The following AXL variants were observed in gnomAD, a reference collection of about 807,000 sequenced individuals.
The protein encoded by AXL is tyrosine-protein kinase receptor UFO.
In AXL, 52 loss-of-function variants were observed where a neutral mutation model predicts 104.5. The ratio of observed to expected loss-of-function variants is 0.50; its 90% CI spans 0.40 to 0.63. AXL has a LOEUF of 0.63. AXL is among the 20% of genes least tolerant of loss of function. AXL has a pLI of 0.00. For synonymous variants in AXL, 455 were observed against 473.7 expected (o/e 0.96, Z 0.51); for missense variants, 1,024 against 1,188.5 (o/e 0.86, Z 2.04).
At chr19:41,227,917 AGG>A (rs1200377567) in intron 4 of AXL, among the ~76,000 whole-genome samples, 1 of 152,154 alleles carries the variant, frequency 6.6e-6, no homozygotes, top group African/African-American at 2.4e-5. Context: ...TGCTGGACAA[AGG>A]GGGGATTCAC....
At chr19:41,222,948 T>C (rs374537334) in intron 4 of AXL, among the ~76,000 whole-genome samples, 8 of 141,974 alleles carry the variant, frequency 5.6e-5, no homozygotes, top group Non-Finnish European at 1.1e-4. Flanking sequence ...CAGAGAGAGA[T>C]AGAATGACAT....
At position 41,257,774 on chromosome 19, in the gene AXL, T is replaced by A. The variant is rs1301140962; in HGVS notation, c.2333+145T>A. 172 of 1,049,422 alleles carry A rather than the reference T, an allele frequency of 1.6e-4. 1 individual carries two copies. The East Asian group carries it at 4.1e-3, about 25-fold the overall frequency. 65.0% of individuals were successfully genotyped at this position (1,049,422 alleles called of 1,614,324 possible). A position where few individuals can be genotyped will look rare whatever the true frequency, so the allele number is the denominator to read the frequency against. On this transcript the variant is annotated intron_variant, in intron 19 of 19. Coordinates refer to ENST00000301178, the MANE Select transcript of AXL (RefSeq NM_021913.5). ...TGACCCACTTGCCCCTCACCAATGCTCTGAGTAGGGCCATCACTAACCAGT... is the reference window on the plus strand; with the variant it reads ...TGACCCACTTGCCCCTCACCAATGCACTGAGTAGGGCCATCACTAACCAGT...
Position 41,219,256 on chromosome 19 carries a change from G to A in AXL, c.-137G>A. 2 of 791,142 alleles carry A rather than the reference G, an allele frequency of 2.5e-6. No homozygotes were observed. Among genetic ancestry groups the A allele is most frequent in the African/African-American group, 1.8e-5 (1 of 57,130 alleles). 49.0% of individuals were successfully genotyped at this position (791,142 alleles called of 1,614,324 possible). On this transcript the variant is annotated 5_prime_UTR_variant, in exon 1 of 20. Coordinates refer to ENST00000301178, the MANE Select transcript of AXL (RefSeq NM_021913.5). ...GGCTGCTGGGCAGAGCCGGTGGCAA[G>A]GGCCTCCCCTGCCGCTGTGCCAGGC...
intron 4 of AXL, chr19:41,226,761 C>G (rs1241173951): frequency 1.0e-6 from 1 of 985,852 alleles, no homozygotes. Context: ...CACAAGCACA[C>G]GCGTAAACAA....
intron 12 of AXL, chr19:41,244,003 C>G (rs1416233782): frequency 3.5e-6 from 1 of 283,588 alleles, no homozygotes; most frequent in Non-Finnish European, 6.7e-6. Flanking sequence ...CCCAGGAGTT[C>G]GAGAACAGCC....
intron 6 of AXL, among the ~76,000 whole-genome samples, chr19:41,236,347 A>G (rs1456741140): frequency 6.7e-6 from 1 of 148,566 alleles, no homozygotes; most frequent in Non-Finnish European, 1.5e-5. Flanking sequence ...AAAAAAAAAA[A>G]AAAAATTAGT....
intron 4 of AXL, among the ~76,000 whole-genome samples, chr19:41,223,073 T>A (rs1398768927): frequency 6.6e-6 from 1 of 151,812 alleles, no homozygotes; most frequent in Non-Finnish European, 1.5e-5. Flanking sequence ...GGCAGGTGGA[T>A]CACTTGAGGC....
chr19:41,231,358 C>T (rs1222427866), intron 6 of AXL, 60 bp downstream of exon 6: 3 of 1,435,472 alleles, frequency 2.1e-6, no homozygotes, highest in African/African-American at 1.4e-5. Context: ...ACATCCACAA[C>T]CCCCATCCTC....
At chr19:41,232,626 GAAAA>G (rs1199725246) in intron 6 of AXL, among the ~76,000 whole-genome samples, 1 of 126,408 alleles carries the variant, frequency 7.9e-6, no homozygotes, top group Non-Finnish European at 1.7e-5. Context: ...TCCGTCTCAA[GAAAA>G]AAAAAAAAAG....
chr19:41,221,911 C>T lies in AXL; in HGVS notation c.441C>T (p.Asp147=). ...GLPYFLEEPE[D]RTVAANTPFN... ...CTTACTTCCTGGAGGAGCCCGAAGA[C>T]AGGACTGTGGCCGCCAACACCCCCT... Residue 147 remains aspartate, a synonymous_variant, in exon 4 of 20, where the codon GAC becomes GAT. Transcript: ENST00000301178. The T allele has an allele frequency of 6.2e-7, 1 of 1,613,774 alleles. No individual in the cohort carries two copies.
At chr19:41,252,728 A>G in intron 15 of AXL, 118 bp from the exon 16 acceptor site, 1 of 1,530,358 alleles carries the variant, frequency 6.5e-7, no homozygotes, top group East Asian at 2.3e-5. Flanking sequence ...ACTACCCCCA[A>G]ACAATATGGT....
Position 41,238,470 on chromosome 19 carries a change from T to C in AXL, c.995T>C (p.Val332Ala). ...GCTTCCCCTCTTCCCTGTCCTCCAG[T>C]GCCCCTGGGCCCCCCTGAGAACATT... ...HWLPVETPEGVPLGPPENISA... is the reference protein window; with the variant it reads ...HWLPVETPEGAPLGPPENISA... Residue 332 changes from valine (V) to alanine (A), a missense_variant and splice_region_variant, in exon 8 of 20, where the codon GTG (valine) becomes GCG (alanine). By Grantham distance (64) the Val-to-Ala change is moderately conservative. Around this residue, in one of 5 missense-constraint regions of AXL, gnomAD observed 332 missense variants for 343.9 expected, o/e 0.97. Transcript: ENST00000301178. 6.2e-7 allele frequency: 1 copy of C among 1,608,714 alleles called. No homozygotes were observed. The highest frequency in any genetic ancestry group is 1.7e-5 in the Admixed American group (1 of 59,856).
chr19:41,253,523 C>A, intron 16 of AXL, 76 bp from the exon 17 acceptor site: 1 of 1,110,314 alleles, frequency 9.0e-7, no homozygotes. Flanking sequence ...GCTAGGCTTG[C>A]ACAGAGGGAT....
Position 41,219,403 on chromosome 19 carries a change from G to T in AXL, c.11G>T (p.Arg4Leu). The part of the protein sequence containing the change: MAW[R>L]CPRMGRVPLA... ...GAAAGTTTGGCACCCATGGCGTGGC[G>T]GTGCCCCAGGATGGGCAGGGTCCCG... The change falls in exon 1 of 20, where the codon CGG becomes CTG. Residue 4 changes from arginine to leucine, a missense_variant. This residue lies in a region of AXL where 124 missense variants were observed against 115.5 expected (regional missense o/e 1.07). Coordinates refer to ENST00000301178, the MANE Select transcript of AXL (RefSeq NM_021913.5). 1 of 1,600,364 alleles carries T rather than the reference G, an allele frequency of 6.2e-7. No homozygotes were observed.
intron 18 of AXL, among the ~76,000 whole-genome samples, chr19:41,256,883 T>C (rs566229981): frequency 3.3e-5 from 5 of 152,332 alleles, no homozygotes; most frequent in African/African-American, 1.2e-4. Flanking sequence ...TATGCGTGCA[T>C]GTGCGCACAC....
Position 41,257,520 on chromosome 19 carries a change from A to G in AXL, c.2224A>G (p.Ile742Val). The change falls in exon 19 of 20, where the codon ATT (isoleucine) becomes GTT (valine). Residue 742 changes from isoleucine (I) to valine (V), a missense_variant. Transcript: ENST00000301178. ...GTCCTTCGGGGTGACAATGTGGGAG[A>G]TTGCCACAAGAGGCCAAACCCCATA... ...VWSFGVTMWEIATRGQTPYPG... is the reference protein window; with the variant it reads ...VWSFGVTMWEVATRGQTPYPG... 6.2e-7 allele frequency: 1 copy of G among 1,614,052 alleles called. No homozygotes were observed. The highest frequency in any genetic ancestry group is 1.1e-5 in the South Asian group (1 of 91,072).
intron 4 of AXL, among the ~76,000 whole-genome samples, chr19:41,229,864 C>T (rs536741759): frequency 6.6e-6 from 1 of 152,158 alleles, no homozygotes; most frequent in Admixed American, 6.6e-5. Context: ...GCCAGTTTCC[C>T]TAAGTGTGTC....
At position 41,258,353 on chromosome 19, in the gene AXL, T is replaced by C. The variant is rs115796052; in HGVS notation, c.2333+724T>C. ...AATCATTTGGTCCTTACCACAGCCA[T>C]GTGATGTAGATAGGTATCATTATGA... On this transcript the variant is annotated intron_variant, in intron 19 of 19. Coordinates refer to ENST00000301178, the MANE Select transcript of AXL (RefSeq NM_021913.5). Among the ~76,000 whole-genome samples, 416 of 152,102 alleles carry C rather than the reference T, an allele frequency of 2.7e-3. 1 individual carries two copies. The highest frequency in any genetic ancestry group is 9.4e-3 in the African/African-American group (390 of 41,518).
intron 12 of AXL, among the ~76,000 whole-genome samples, chr19:41,245,495 G>A (rs1230682989): frequency 2.0e-5 from 3 of 152,120 alleles, no homozygotes; most frequent in Non-Finnish European, 4.4e-5. Context: ...AGGCCCAGGC[G>A]GGCAGACACT....
Sources: allele counts gnomAD v4.1 joint callset (sites outside exome capture counted in the v4.1 genomes callset), GRCh38; gene constraint gnomAD v4.1.1; regional missense constraint gnomAD v4.1.1; transcripts MANE v1.5; gene names NCBI Gene and HGNC (gene_info 2026-07-23, HGNC 2026-07-21).